Variants in LRMDA observed in about 807,000 individuals in gnomAD.
The protein encoded by LRMDA is leucine-rich melanocyte differentiation-associated protein.
A neutral mutation model predicts 29.8 loss-of-function variants in LRMDA; 18 were observed. The ratio of observed to expected loss-of-function variants is 0.60; its 90% CI spans 0.42 to 0.90. The LOEUF (loss-of-function observed/expected upper bound fraction) is 0.90. Ranked by LOEUF, LRMDA falls within the 40% of genes least tolerant of loss-of-function variation. The pLI, the probability that LRMDA is intolerant of heterozygous loss-of-function variation, is 0.00. For missense variants in LRMDA, 273 were observed against 273.9 expected (o/e 1.00, Z 0.02); for synonymous variants, 125 against 109.4 (o/e 1.14, Z -0.89).
chr10:75,554,195 T>A (rs1289715988), intron 2 of LRMDA, among the ~76,000 whole-genome samples: 2 of 152,182 alleles, frequency 1.3e-5, no homozygotes, highest in Non-Finnish European at 2.9e-5. Flanking sequence ...AGTATGGGAG[T>A]GATGCTTATT....
intron 2 of LRMDA, among the ~76,000 whole-genome samples, chr10:76,012,933 G>A (rs952540734): frequency 6.6e-6 from 1 of 152,112 alleles, no homozygotes; most frequent in African/African-American, 2.4e-5. Flanking sequence ...GGCCAAGTCA[G>A]ATAAAGGAGA....
At chr10:76,549,480 T>G (rs1325033347) in intron 6 of LRMDA, among the ~76,000 whole-genome samples, 11 of 152,146 alleles carry the variant, frequency 7.2e-5, no homozygotes, top group Non-Finnish European at 1.6e-4. Flanking sequence ...AAAGGATAGG[T>G]TGCCTGGCAT....
chr10:75,489,248 T>A (rs900227704), intron 2 of LRMDA, among the ~76,000 whole-genome samples: 9 of 88,552 alleles, frequency 1.0e-4, no homozygotes, highest in South Asian at 3.5e-4. Context: ...AAAAAAAAAA[T>A]TTCACTAGCT....
chr10:75,685,124 T>C (rs1842066046), intron 2 of LRMDA, among the ~76,000 whole-genome samples: 1 of 152,230 alleles, frequency 6.6e-6, no homozygotes, highest in Admixed American at 6.5e-5. Flanking sequence ...ATACAGATAC[T>C]GATTTTGTTG....
chr10:75,689,397 G>A (rs1019399738), intron 2 of LRMDA, among the ~76,000 whole-genome samples: 2 of 152,216 alleles, frequency 1.3e-5, no homozygotes, highest in African/African-American at 2.4e-5. Flanking sequence ...CTTCGAGGCT[G>A]ACCTGATTAT....
intron 2 of LRMDA, among the ~76,000 whole-genome samples, chr10:76,008,133 G>A (rs1185194273): frequency 6.6e-6 from 1 of 152,154 alleles, no homozygotes; most frequent in Non-Finnish European, 1.5e-5. Flanking sequence ...AGAAGCCTCT[G>A]GAAAACTCCC....
intron 6 of LRMDA, among the ~76,000 whole-genome samples, chr10:76,502,190 G>C (rs1842917212): frequency 6.6e-6 from 1 of 151,934 alleles, no homozygotes; most frequent in Non-Finnish European, 1.5e-5. Context: ...CTTTATTTCT[G>C]TGTTTTCTTT....
chr10:76,108,318 T>C (rs1849521435), intron 5 of LRMDA, among the ~76,000 whole-genome samples: 1 of 152,160 alleles, frequency 6.6e-6, no homozygotes, highest in East Asian at 1.9e-4. Flanking sequence ...ATGACCTGAC[T>C]AGATGTAGTT....
intron 5 of LRMDA, among the ~76,000 whole-genome samples, chr10:76,196,233 C>T (rs2132227246): frequency 6.6e-6 from 1 of 152,284 alleles, no homozygotes; most frequent in Middle Eastern, 3.4e-3. Context: ...CATTGTTACC[C>T]AACACAAGGA....
rs572697986 is a variant in LRMDA at position 76,341,956 on chromosome 10, C to T, written c.601+17471C>T. Among the ~76,000 whole-genome samples, 41 of 152,266 alleles carry T rather than the reference C, an allele frequency of 2.7e-4. 1 individual carries two copies. In the South Asian group the frequency reaches 3.1e-3, roughly 12 times the overall value. ...CGGTAGTTACAAAAGTCCTGCTGCT[C>T]ATGTTCAAGGGAAGGGCAAATAGAC... On this transcript the variant is annotated intron_variant, in intron 6 of 6. Transcript: ENST00000611255.
At chr10:75,942,242 A>T (rs1051524823) in intron 2 of LRMDA, among the ~76,000 whole-genome samples, 1 of 152,132 alleles carries the variant, frequency 6.6e-6, no homozygotes, top group African/African-American at 2.4e-5. Context: ...TGACCCAGCT[A>T]AGTGGTGAGT....
At chr10:75,896,942 G>A (rs946128907) in intron 2 of LRMDA, among the ~76,000 whole-genome samples, 2 of 151,746 alleles carry the variant, frequency 1.3e-5, no homozygotes, top group East Asian at 3.9e-4. Flanking sequence ...TGGTTGTAAA[G>A]TTGAATAAAA....
intron 2 of LRMDA, among the ~76,000 whole-genome samples, chr10:75,625,372 A>C (rs1428807808): frequency 1.3e-5 from 2 of 152,210 alleles, no homozygotes; most frequent in East Asian, 3.9e-4. Context: ...GATAGGAGAC[A>C]CAGGATTCAA....
chr10:75,960,819 G>T (rs921952093), intron 2 of LRMDA, among the ~76,000 whole-genome samples: 3 of 152,060 alleles, frequency 2.0e-5, no homozygotes, highest in Non-Finnish European at 4.4e-5. Context: ...GTTTCACCGT[G>T]TTAGCCAGGA....
chr10:75,661,118 C>T (rs1478055358), intron 2 of LRMDA, among the ~76,000 whole-genome samples: 1 of 152,164 alleles, frequency 6.6e-6, no homozygotes, highest in Non-Finnish European at 1.5e-5. Flanking sequence ...TAATTAATGA[C>T]TCTGCTGTGT....
At chr10:75,754,844 C>A (rs1312371648) in intron 2 of LRMDA, among the ~76,000 whole-genome samples, 1 of 152,220 alleles carries the variant, frequency 6.6e-6, no homozygotes, top group East Asian at 1.9e-4. Flanking sequence ...GTTCTTACTG[C>A]AGCCTCACAT....
chr10:75,812,544 A>G (rs957075485), intron 2 of LRMDA, among the ~76,000 whole-genome samples: 1 of 152,206 alleles, frequency 6.6e-6, no homozygotes. Context: ...TTCTGGGGCA[A>G]TTCTGAACGT....
At chr10:75,871,846 TC>T (rs35065787) in intron 2 of LRMDA, among the ~76,000 whole-genome samples, 1 of 152,244 alleles carries the variant, frequency 6.6e-6, no homozygotes, top group Admixed American at 6.5e-5. Context: ...CAAACCAGGT[TC>T]CTTAAGGGCA....
intron 2 of LRMDA, among the ~76,000 whole-genome samples, chr10:75,519,253 A>G (rs1845328929): frequency 6.6e-6 from 1 of 152,170 alleles, no homozygotes; most frequent in South Asian, 2.1e-4. Flanking sequence ...TGTCCTGGAT[A>G]TCCCTGTTAA....
Sources: gnomAD v4.1 joint callset for allele counts (sites outside exome capture counted in the v4.1 genomes callset) on GRCh38, gnomAD v4.1.1 for gene constraint, MANE v1.5 for transcripts, NCBI Gene and HGNC (gene_info 2026-07-23, HGNC 2026-07-21) for gene names.